The following SNX25 variants were observed in gnomAD, a reference collection of about 807,000 sequenced individuals.
SNX25 encodes the protein sorting nexin 25, also known as sorting nexin-25.
In SNX25, 62 loss-of-function variants were observed where a neutral mutation model predicts 113.7. That is an observed-to-expected ratio of 0.55 (90% CI 0.44 to 0.67). The LOEUF (loss-of-function observed/expected upper bound fraction) is 0.67, where lower values mean the gene tolerates loss of function less well. Ranked by LOEUF, SNX25 falls within the 30% of genes least tolerant of loss-of-function variation. SNX25 has a pLI of 0.00. For missense variants in SNX25, 1,014 were observed against 1,161.0 expected, an observed-to-expected ratio of 0.87 and a Z score of 1.84; for synonymous variants, 421 against 436.2, an observed-to-expected ratio of 0.97 and a Z score of 0.43.
chr4:185,247,342 G>C lies in SNX25; in HGVS notation c.478G>C (p.Val160Leu), dbSNP rs375368989. The C allele has an allele frequency of 1.9e-5, 30 of 1,611,110 alleles. No homozygotes were observed. The Middle Eastern group carries it at 8.2e-4, about 44-fold the overall frequency. The change falls in exon 2 of 19, where the codon GTA (valine) becomes CTA (leucine). Residue 160 changes from valine (V) to leucine (L), a missense_variant. Physicochemically the swap from Val to Leu is conservative, Grantham distance 32. Transcript: ENST00000652585. ...SHESAQSRRV[V>L]ISHNMDKALK... Reference sequence around the variant, plus strand: ...TGAGTCAGCTCAGTCTAGAAGGGTAGTAATTTCTCATAATATGGATAAAGC... The same window carrying C: ...TGAGTCAGCTCAGTCTAGAAGGGTACTAATTTCTCATAATATGGATAAAGC...
At chr4:185,284,740 A>G (rs1751110176) in intron 5 of SNX25, among the ~76,000 whole-genome samples, 1 of 151,992 alleles carries the variant, frequency 6.6e-6, no homozygotes, top group African/African-American at 2.4e-5. Flanking sequence ...GGTGCTCAGG[A>G]TGGTTTGGAT....
chr4:185,310,957 T>G, intron 7 of SNX25, 141 bp downstream of exon 7: 17 of 833,686 alleles, frequency 2.0e-5, no homozygotes, highest in South Asian at 4.2e-5. Context: ...GCTCTATGAG[T>G]CAAGGAGCTA....
chr4:185,372,958 A>G, downstream of SNX25: 1 of 1,613,986 alleles, frequency 6.2e-7, no homozygotes, highest in Non-Finnish European at 8.5e-7. Flanking sequence ...TGCTTCTCTT[A>G]AGCACTGCAG....
chr4:185,255,975 C>T (rs1002132590), intron 2 of SNX25, among the ~76,000 whole-genome samples: 4 of 152,140 alleles, frequency 2.6e-5, no homozygotes, highest in Non-Finnish European at 4.4e-5. Flanking sequence ...TGAGATGTAG[C>T]TACTTTTTGC....
chr4:185,212,491 G>GTGTGTGTTTTTGTTTT lies in SNX25; in HGVS notation c.429+2237_429+2238insGTGTGTTTTTGTTTTT, dbSNP rs546083196. 2.8e-4 allele frequency among the ~76,000 whole-genome samples: 29 copies of GTGTGTGTTTTTGTTTT among 104,938 alleles called. 1 individual carries two copies. The highest frequency in any genetic ancestry group is 1.6e-3 in the East Asian group (6 of 3,714). The allele number at this position is 104,938 out of a possible 152,430, so 68.8% of individuals were successfully genotyped here. ...TGTGTGTGTGTGTGTGTGTGTGTGT[G>GTGTGTGTTTTTGTTTT]TTTTTTTTTTTTTTTGCTTTGAGAC... On this transcript the variant is annotated intron_variant, in intron 1 of 18. Transcript: ENST00000652585.
chr4:185,356,216 G>T (rs529817037), intron 15 of SNX25, among the ~76,000 whole-genome samples: 2 of 152,094 alleles, frequency 1.3e-5, no homozygotes, highest in South Asian at 4.1e-4. Flanking sequence ...TAGAGTAAGG[G>T]GCTATCAGTG....
intron 2 of SNX25, among the ~76,000 whole-genome samples, chr4:185,249,566 C>G (rs752999674): frequency 4.6e-5 from 7 of 152,018 alleles, no homozygotes; most frequent in Non-Finnish European, 8.8e-5. Context: ...CTTTTGTTTT[C>G]TTAATGCTAT....
intron 6 of SNX25, among the ~76,000 whole-genome samples, chr4:185,295,066 A>G (rs993931481): frequency 2.6e-5 from 4 of 152,168 alleles, no homozygotes; most frequent in Non-Finnish European, 4.4e-5. Flanking sequence ...ATTTATTTCA[A>G]TAAGAATGTG....
intron 6 of SNX25, among the ~76,000 whole-genome samples, chr4:185,300,839 T>TCACACACA (rs1560985826): frequency 4.0e-5 from 2 of 49,648 alleles, no homozygotes; most frequent in African/African-American, 1.9e-4. Context: ...ATGATTATTA[T>TCACACACA]GACACACACA....
chr4:185,377,920 G>T, the SNX25 span: 1 of 603,094 alleles, frequency 1.7e-6, no homozygotes. Flanking sequence ...CCAGATAAAT[G>T]AGCAATTTCA....
intron 9 of SNX25, among the ~76,000 whole-genome samples, chr4:185,332,265 A>G (rs749703239): frequency 6.6e-6 from 1 of 152,186 alleles, no homozygotes; most frequent in Non-Finnish European, 1.5e-5. Flanking sequence ...TAGGTACAGA[A>G]TATTCAGGTT....
At chr4:185,213,602 C>T (rs1298369267) in intron 1 of SNX25, among the ~76,000 whole-genome samples, 3 of 152,086 alleles carry the variant, frequency 2.0e-5, no homozygotes, top group Non-Finnish European at 4.4e-5. Flanking sequence ...GTGTGGTGTC[C>T]CGTGTCCAAG....
intron 9 of SNX25, among the ~76,000 whole-genome samples, chr4:185,329,075 A>G (rs1012014575): frequency 3.3e-5 from 5 of 152,072 alleles, no homozygotes; most frequent in African/African-American, 1.2e-4. Flanking sequence ...GAGGGGTGCA[A>G]GCTTGACATA....
rs190620754 is a variant in SNX25 at position 185,304,092 on chromosome 4, A to G, written c.1163-6543A>G. The stretch of plus-strand genomic sequence containing the variant: ...CAAATCTTGACTAGTCCCTAAGTAA[A>G]TATATACCTGTTTCTTGAACCCTTC... On this transcript the variant is annotated intron_variant, in intron 6 of 18. Coordinates refer to ENST00000652585, the MANE Select transcript of SNX25 (RefSeq NM_001378034.2). Among the ~76,000 whole-genome samples, 188 of 152,292 alleles carry G rather than the reference A, an allele frequency of 1.2e-3. 4 individuals are homozygous for G. The highest frequency in any genetic ancestry group is 0.012 in the Admixed American group (186 of 15,296).
chr4:185,371,111 C>T (rs1323063058), downstream of SNX25: 1 of 274,778 alleles, frequency 3.6e-6, no homozygotes, highest in African/African-American at 2.1e-5. Flanking sequence ...AGTTTAATGT[C>T]ACTTTGTGGA....
At chr4:185,235,125 A>G (rs1254222328) in intron 1 of SNX25, among the ~76,000 whole-genome samples, 1 of 152,254 alleles carries the variant, frequency 6.6e-6, no homozygotes, top group Non-Finnish European at 1.5e-5. Flanking sequence ...ATTGTCTTTC[A>G]TTATGGAAGT....
At chr4:185,216,417 T>G (rs1201887517) in intron 1 of SNX25, among the ~76,000 whole-genome samples, 1 of 151,610 alleles carries the variant, frequency 6.6e-6, no homozygotes, top group Non-Finnish European at 1.5e-5. Flanking sequence ...TGAATAGTGA[T>G]AACTTCAAAG....
At chr4:185,313,970 G>A (rs2095050572) in intron 7 of SNX25, among the ~76,000 whole-genome samples, 1 of 152,184 alleles carries the variant, frequency 6.6e-6, no homozygotes, top group African/African-American at 2.4e-5. Context: ...CTAAGTGGAA[G>A]TGGATCATCA....
At chr4:185,322,766 A>G (rs969487281) in intron 8 of SNX25, among the ~76,000 whole-genome samples, 2 of 152,220 alleles carry the variant, frequency 1.3e-5, no homozygotes, top group African/African-American at 2.4e-5. Context: ...AAATATTTCA[A>G]TGGAGTAAGA....
Sources: gnomAD v4.1 joint callset for allele counts (sites outside exome capture counted in the v4.1 genomes callset) on GRCh38, gnomAD v4.1.1 for gene constraint, MANE v1.5 for transcripts, NCBI Gene and HGNC (gene_info 2026-07-23, HGNC 2026-07-21) for gene names.